The following CREB3L2 variants were observed in gnomAD, a reference collection of about 807,000 sequenced individuals.
CREB3L2 encodes cAMP responsive element binding protein 3 like 2.
A neutral mutation model predicts 57.2 loss-of-function variants in CREB3L2; 23 were observed. The ratio of observed to expected loss-of-function variants is 0.40; its 90% CI spans 0.29 to 0.57. The LOEUF is 0.57. CREB3L2 is among the 20% of genes least tolerant of loss of function. The pLI is 0.42. For synonymous variants in CREB3L2, 268 were observed against 265.1 expected, an observed-to-expected ratio of 1.01 and a Z score of -0.11; for missense variants, 628 against 634.7, an observed-to-expected ratio of 0.99 and a Z score of 0.11.
chr7:137,905,532 G>C (rs868785261), intron 6 of CREB3L2, among the ~76,000 whole-genome samples, 170 bp downstream of exon 6: 3 of 152,026 alleles, frequency 2.0e-5, no homozygotes, highest in Non-Finnish European at 2.9e-5. Flanking sequence ...TGGAGGAAGA[G>C]AGGGGCACGT....
At chr7:137,997,559 A>C (rs200276773) in intron 1 of CREB3L2, among the ~76,000 whole-genome samples, 3 of 6,692 alleles carry the variant, frequency 4.5e-4, no homozygotes, top group African/African-American at 7.1e-4. Flanking sequence ...CGTTTCTACC[A>C]AAAAAAAAGA....
chr7:137,953,411 G>A, intron 1 of CREB3L2: 1 of 1,194,482 alleles, frequency 8.4e-7, no homozygotes, highest in Non-Finnish European at 1.1e-6. Context: ...TCTAGCTGAG[G>A]CCTGAGGAAT....
chr7:137,960,313 C>CG (rs1801296786), intron 1 of CREB3L2, among the ~76,000 whole-genome samples: 1 of 151,914 alleles, frequency 6.6e-6, no homozygotes. Flanking sequence ...GTGCTAAGTT[C>CG]GTAACATAGA....
At chr7:137,956,040 C>A (rs1801202687) in intron 1 of CREB3L2, among the ~76,000 whole-genome samples, 1 of 152,174 alleles carries the variant, frequency 6.6e-6, no homozygotes, top group African/African-American at 2.4e-5. Flanking sequence ...CTAGCTAAGG[C>A]ACTTAATTTC....
chr7:137,922,457 C>CGT (rs1800345392), intron 2 of CREB3L2: 1 of 115,422 alleles, frequency 8.7e-6, no homozygotes, highest in African/African-American at 4.3e-5. Flanking sequence ...TATATATACA[C>CGT]ACATATATAT....
chr7:137,946,783 TATCTATATA>T (rs1800987594), intron 1 of CREB3L2, among the ~76,000 whole-genome samples: 1 of 92,852 alleles, frequency 1.1e-5, no homozygotes, highest in Non-Finnish European at 2.0e-5. Flanking sequence ...TCTATATAGT[TATCTATATA>T]GTTATATATA....
chr7:137,912,680 CAGTTCTCTTGTTCGAT>C, intron 4 of CREB3L2: 1 of 650,134 alleles, frequency 1.5e-6, no homozygotes, highest in Middle Eastern at 4.2e-4. Context: ...ATAAGGGCTG[CAGTTCTCTTGTTCGAT>C]AGTGTTTGTA....
chr7:137,954,906 A>G lies in CREB3L2; in HGVS notation c.103-26540T>C, dbSNP rs371106801. 9.2e-5 allele frequency among the ~76,000 whole-genome samples: 14 copies of G among 152,264 alleles called. No homozygotes were observed. The East Asian group carries it at 2.5e-3, about 27-fold the overall frequency. On this transcript the variant is annotated intron_variant, in intron 1 of 11. Transcript: ENST00000330387. ...AGAAGACTACAAACGTTGCCTAAGC[A>G]CAAGTGTAATTAGTCACTCAAGACT...
At chr7:137,916,580 C>T (rs1422101102) in intron 2 of CREB3L2, among the ~76,000 whole-genome samples, 1 of 151,892 alleles carries the variant, frequency 6.6e-6, no homozygotes, top group Non-Finnish European at 1.5e-5. Context: ...TAGCTAGGTG[C>T]AGTGGTGAGC....
chr7:137,919,626 G>C (rs13228189), intron 2 of CREB3L2, among the ~76,000 whole-genome samples: 1 of 152,250 alleles, frequency 6.6e-6, no homozygotes, highest in Admixed American at 6.5e-5. Context: ...GCTCACTAGG[G>C]CATTGTTTAT....
intron 10 of CREB3L2, 57 bp downstream of exon 10, chr7:137,884,938 A>G (rs1209434112): frequency 6.2e-7 from 1 of 1,607,466 alleles, no homozygotes; most frequent in South Asian, 1.1e-5. Flanking sequence ...AGACTGAGAA[A>G]CCCAGCTCTA....
chr7:137,926,109 A>T (rs1800449600), intron 2 of CREB3L2, among the ~76,000 whole-genome samples: 1 of 152,244 alleles, frequency 6.6e-6, no homozygotes. Flanking sequence ...GCGGAGAAAC[A>T]GGAACACTTT....
At chr7:137,947,695 CA>C (rs1801020989) in intron 1 of CREB3L2, among the ~76,000 whole-genome samples, 1 of 152,148 alleles carries the variant, frequency 6.6e-6, no homozygotes, top group Non-Finnish European at 1.5e-5. Flanking sequence ...ATGGTCTAGC[CA>C]AGACCAAGTT....
intron 1 of CREB3L2, among the ~76,000 whole-genome samples, chr7:137,994,380 C>T (rs1390302630): frequency 6.6e-6 from 1 of 152,184 alleles, no homozygotes; most frequent in African/African-American, 2.4e-5. Flanking sequence ...CACCTGCTGT[C>T]GATCCCAAAC....
intron 1 of CREB3L2, among the ~76,000 whole-genome samples, chr7:137,988,536 G>A (rs1034672678): frequency 6.6e-6 from 1 of 152,004 alleles, no homozygotes; most frequent in African/African-American, 2.4e-5. Context: ...ACTCATTTTC[G>A]GCATTCAGTG....
chr7:137,935,859 TA>T (rs1478524997), intron 1 of CREB3L2: 13 of 223,718 alleles, frequency 5.8e-5, no homozygotes, highest in African/African-American at 1.9e-4. Flanking sequence ...ACTTATTTTA[TA>T]AAAAATTACC....
chr7:137,893,034 C>T (rs1799554847), intron 8 of CREB3L2, among the ~76,000 whole-genome samples: 1 of 151,694 alleles, frequency 6.6e-6, no homozygotes, highest in South Asian at 2.1e-4. Flanking sequence ...TGGCCTTTTA[C>T]TTAAGTTTTG....
intron 1 of CREB3L2, among the ~76,000 whole-genome samples, chr7:137,928,828 A>G (rs571592427): frequency 6.6e-6 from 1 of 152,310 alleles, no homozygotes; most frequent in East Asian, 1.9e-4. Context: ...GGCAAGGGAC[A>G]AGACCAGCTC....
chr7:137,972,711 A>C (rs1162316260), intron 1 of CREB3L2, among the ~76,000 whole-genome samples: 1 of 36,220 alleles, frequency 2.8e-5, no homozygotes, highest in African/African-American at 1.7e-4. Context: ...AAAAAAAAAA[A>C]AATATATATA....
Sources: gnomAD v4.1 joint callset for allele counts (sites outside exome capture counted in the v4.1 genomes callset) on GRCh38, gnomAD v4.1.1 for gene constraint, MANE v1.5 for transcripts, NCBI Gene and HGNC (gene_info 2026-07-23, HGNC 2026-07-21) for gene names.